ACSM3: variants seen among roughly 807,000 people sequenced by gnomAD.
The protein encoded by ACSM3 is acyl-coenzyme A synthetase ACSM3, mitochondrial.
In ACSM3, 61 loss-of-function variants were observed where a neutral mutation model predicts 74.1. The ratio of observed to expected loss-of-function variants is 0.82; its 90% CI spans 0.67 to 1.02. ACSM3 has a LOEUF of 1.02. ACSM3 is among the 50% of genes least tolerant of loss of function. The pLI is 0.00. For missense variants in ACSM3, 660 were observed against 697.0 expected (o/e 0.95, Z 0.60); for synonymous variants, 213 against 241.5 (o/e 0.88, Z 1.09).
At chr16:20,766,413 G>A (rs539986953) in intron 1 of ACSM3, among the ~76,000 whole-genome samples, 16 of 152,116 alleles carry the variant, frequency 1.1e-4, no homozygotes, top group African/African-American at 3.9e-4. Flanking sequence ...TAGTGCTTTG[G>A]GAGGCCGTGT....
chr16:20,769,868 G>A (rs181155412), intron 1 of ACSM3, 116 bp from the exon 2 acceptor site: 17 of 624,738 alleles, frequency 2.7e-5, no homozygotes, highest in Middle Eastern at 4.3e-4. Context: ...CAGAGTGTAC[G>A]CAGCAAATGG....
chr16:20,755,720 G>C (rs1217110226), intron 3 of ACSM3: 1 of 149,500 alleles, frequency 6.7e-6, no homozygotes, highest in Non-Finnish European at 1.5e-5. Context: ...GTGCCATGCT[G>C]GTGTGTTGCA....
At position 20,790,466 on chromosome 16, in the gene ACSM3, A is replaced by C. The variant is rs1315197944; in HGVS notation, c.1225-121A>C. The C allele has an allele frequency of 6.3e-6, 6 of 950,898 alleles. No homozygotes were observed. Among genetic ancestry groups the C allele is most frequent in the Non-Finnish European group, 9.5e-6 (6 of 630,872 alleles). The allele number at this position is 950,898 out of a possible 1,614,324, so 58.9% of individuals were successfully genotyped here. A position where few individuals can be genotyped will look rare whatever the true frequency, so the allele number is the denominator to read the frequency against. On this transcript the variant is annotated intron_variant, in intron 9 of 13. Transcript: ENST00000289416. This position sits in a 1 kb window ranked among gnomAD's most constrained non-coding sequence, Gnocchi z 4.0. ...AGTGAGACCTTGTCTCACACACACAAAATTTTTTTTAAGTCTTCATTTTTA... is the reference window on the plus strand; with the variant it reads ...AGTGAGACCTTGTCTCACACACACACAATTTTTTTTAAGTCTTCATTTTTA...
At chr16:20,700,100 G>A (rs2079709168) in intron 1 of ACSM3, among the ~76,000 whole-genome samples, 2 of 152,124 alleles carry the variant, frequency 1.3e-5, no homozygotes, top group South Asian at 2.1e-4. Context: ...ATCGTAAAAT[G>A]GCAAAGTCTC....
chr16:20,774,573 T>A (rs189066232), intron 2 of ACSM3, among the ~76,000 whole-genome samples: 7 of 152,260 alleles, frequency 4.6e-5, no homozygotes, highest in Admixed American at 4.6e-4. Flanking sequence ...GTGAAGTGAG[T>A]TTCTTGTAGG....
upstream of ACSM3, among the ~76,000 whole-genome samples, chr16:20,762,183 C>T (rs750306496): frequency 6.6e-6 from 1 of 152,068 alleles, no homozygotes; most frequent in Non-Finnish European, 1.5e-5. Context: ...TGGATGAATT[C>T]TTTCCTTTGA....
At chr16:20,739,455 G>C (rs2079899065) in intron 1 of ACSM3, among the ~76,000 whole-genome samples, 1 of 152,086 alleles carries the variant, frequency 6.6e-6, no homozygotes. Context: ...ACAGGTGTGA[G>C]CTACCATGCC....
chr16:20,751,918 A>G (rs2079991656), intron 2 of ACSM3, among the ~76,000 whole-genome samples: 1 of 152,180 alleles, frequency 6.6e-6, no homozygotes, highest in Non-Finnish European at 1.5e-5. Context: ...TGTCAGAATC[A>G]CTTTCAAGCT....
rs147662918 is a variant in ACSM3, at chr16:20,777,488, C to G, written c.546C>G (p.Asp182Glu). The change falls in exon 4 of 14, where the codon GAC becomes GAG. Residue 182 changes from aspartate (D) to glutamate (E), a missense_variant. By Grantham distance (45) the Asp-to-Glu change is conservative. Transcript: ENST00000289416. ...ATGATGTTTTAGCCCCAGCAGTAGA[C>G]GCTGTTGCATCCAAATGTGAAAATC... ...ITNDVLAPAV[D>E]AVASKCENLH... The G allele has an allele frequency of 6.2e-7, 1 of 1,614,022 alleles. No homozygotes were observed. The highest frequency in any genetic ancestry group is 1.7e-5 in the Admixed American group (1 of 60,016).
chr16:20,796,843 A>G, intron 13 of ACSM3, 43 bp from the exon 14 acceptor site: 2 of 1,606,642 alleles, frequency 1.2e-6, no homozygotes, highest in Non-Finnish European at 1.7e-6. Flanking sequence ...TTATGTAAAG[A>G]TAAAAATTTC....
At chr16:20,689,491 TC>T (rs1434285054) in intron 1 of ACSM3, among the ~76,000 whole-genome samples, 3 of 151,374 alleles carry the variant, frequency 2.0e-5, no homozygotes, top group South Asian at 2.1e-4. Context: ...TGGACTAAAC[TC>T]CCCAGTCAAA....
chr16:20,691,252 T>A, intron 1 of ACSM3: 1 of 1,364,508 alleles, frequency 7.3e-7, no homozygotes, highest in African/African-American at 1.5e-5. Flanking sequence ...TGGGAAGAGA[T>A]GGCTAATAGA....
intron 1 of ACSM3, among the ~76,000 whole-genome samples, chr16:20,739,533 G>A (rs1373211085): frequency 6.6e-6 from 1 of 152,026 alleles, no homozygotes; most frequent in South Asian, 2.1e-4. Flanking sequence ...TCAAAACGTG[G>A]AGCAAGGCCG....
chr16:20,794,740 AT>A (rs2080683039), intron 12 of ACSM3, among the ~76,000 whole-genome samples: 1 of 152,218 alleles, frequency 6.6e-6, no homozygotes. Context: ...AATTCATTTA[AT>A]CATCATAATC....
chr16:20,703,722 A>T (rs1310738391), intron 1 of ACSM3: 2 of 152,204 alleles, frequency 1.3e-5, no homozygotes, highest in Non-Finnish European at 2.9e-5. Context: ...AGGTTTCACC[A>T]TGTTGGCCAG....
At chr16:20,764,453 C>G (rs1250708497) in intron 1 of ACSM3, among the ~76,000 whole-genome samples, 2 of 152,050 alleles carry the variant, frequency 1.3e-5, no homozygotes, top group African/African-American at 2.4e-5. Context: ...TGCGGTGGCT[C>G]AAGCCTGTAA....
intron 1 of ACSM3, among the ~76,000 whole-genome samples, chr16:20,708,694 G>T (rs1404339652): frequency 6.6e-6 from 1 of 152,158 alleles, no homozygotes; most frequent in South Asian, 2.1e-4. Flanking sequence ...ATATTATTCA[G>T]CGTGATCTAT....
chr16:20,770,011 G>T lies in ACSM3; in HGVS notation c.-24G>T, dbSNP rs779381049. 27 of 1,612,002 alleles carry T rather than the reference G, an allele frequency of 1.7e-5. No individual in the cohort carries two copies. The highest frequency in any genetic ancestry group is 2.3e-5 in the Non-Finnish European group (27 of 1,178,118). On this transcript the variant is annotated 5_prime_UTR_variant, in exon 2 of 14. Coordinates refer to ENST00000289416, the MANE Select transcript of ACSM3 (RefSeq NM_005622.4). ...GAACTGGTCTCTGTGCAAATCCTGA[G>T]TGCTAAAGCTTCCAACAAGACTGAT...
At chr16:20,748,686 G>A (rs1470366870) in intron 1 of ACSM3, among the ~76,000 whole-genome samples, 1 of 152,120 alleles carries the variant, frequency 6.6e-6, no homozygotes, top group Non-Finnish European at 1.5e-5. Context: ...AGTTTGCTTT[G>A]ATGTGTTTCC....
Sources: allele counts gnomAD v4.1 joint callset (sites outside exome capture counted in the v4.1 genomes callset), GRCh38; gene constraint gnomAD v4.1.1; non-coding constraint Gnocchi (gnomAD v3.1); transcripts MANE v1.5; gene names NCBI Gene and HGNC (gene_info 2026-07-23, HGNC 2026-07-21).